Variants in LRRC4C observed in about 807,000 individuals in gnomAD.
LRRC4C encodes leucine rich repeat containing 4C.
LRRC4C carries 5 observed loss-of-function variants against 33.6 expected under a neutral mutation model. The observed-to-expected ratio is 0.15, with a 90% CI of 0.08 to 0.31. LRRC4C has a LOEUF of 0.31. Among genes scored for constraint, LRRC4C ranks in the 10% least tolerant of loss-of-function variants. The probability of loss-of-function intolerance (pLI) is 1.00; values close to 1 mark genes in which losing one functional copy is unlikely to be tolerated. For missense variants in LRRC4C, 560 were observed against 796.7 expected, an observed-to-expected ratio of 0.70 and a Z score of 3.58; for synonymous variants, 329 against 302.0, an observed-to-expected ratio of 1.09 and a Z score of -0.93.
intron 1 of LRRC4C, among the ~76,000 whole-genome samples, chr11:41,439,454 G>A (rs1955542824): frequency 6.6e-6 from 1 of 152,084 alleles, no homozygotes; most frequent in African/African-American, 2.4e-5. Context: ...TCTCCATACT[G>A]TTTTTCACAG....
intron 2 of LRRC4C, among the ~76,000 whole-genome samples, chr11:40,737,576 T>TTA (rs550428539): frequency 2.7e-5 from 4 of 150,162 alleles, no homozygotes; most frequent in African/African-American, 9.8e-5. Context: ...ACACCAATAA[T>TTA]AAAAAAAAAC....
At chr11:40,957,438 C>A (rs1488990390) in intron 1 of LRRC4C, among the ~76,000 whole-genome samples, 2 of 151,714 alleles carry the variant, frequency 1.3e-5, no homozygotes. Context: ...CTCTCTATTT[C>A]TCTCTTTCCA....
At chr11:41,102,111 G>A (rs527268285) in intron 1 of LRRC4C, among the ~76,000 whole-genome samples, 10 of 151,508 alleles carry the variant, frequency 6.6e-5, no homozygotes, top group Non-Finnish European at 1.2e-4. Context: ...TAACAAACCC[G>A]TACATGTACC....
intron 5 of LRRC4C, among the ~76,000 whole-genome samples, chr11:40,200,035 T>C (rs1862578703): frequency 6.6e-6 from 1 of 151,950 alleles, no homozygotes; most frequent in African/African-American, 2.4e-5. Context: ...CAGTGATCCC[T>C]GCTTGTCAAT....
intron 3 of LRRC4C, among the ~76,000 whole-genome samples, chr11:40,376,431 C>G (rs889469310): frequency 2.6e-5 from 4 of 152,046 alleles, no homozygotes; most frequent in Non-Finnish European, 5.9e-5. Context: ...TGTTGGAGTG[C>G]GAGAAAACTT....
chr11:40,578,376 A>G (rs556391389), intron 3 of LRRC4C, among the ~76,000 whole-genome samples: 2 of 151,870 alleles, frequency 1.3e-5, no homozygotes, highest in East Asian at 3.9e-4. Context: ...TAATATTTTA[A>G]AATTCTAGAT....
At chr11:41,229,125 G>T (rs1947670997) in intron 1 of LRRC4C, among the ~76,000 whole-genome samples, 2 of 151,968 alleles carry the variant, frequency 1.3e-5, no homozygotes, top group African/African-American at 4.8e-5. Flanking sequence ...TGGAAAATTT[G>T]TGTCTCCCTA....
chr11:41,059,650 A>G (rs1017856779), intron 1 of LRRC4C, among the ~76,000 whole-genome samples: 5 of 152,134 alleles, frequency 3.3e-5, no homozygotes, highest in Non-Finnish European at 7.3e-5. Context: ...CCTGTGCAAG[A>G]GACCTGTGTT....
At chr11:41,030,634 G>T (rs924085748) in intron 1 of LRRC4C, among the ~76,000 whole-genome samples, 10 of 151,752 alleles carry the variant, frequency 6.6e-5, no homozygotes, top group Non-Finnish European at 1.5e-4. Flanking sequence ...ATCATCAGCC[G>T]CTTGGTGAAA....
intron 4 of LRRC4C, among the ~76,000 whole-genome samples, chr11:40,254,634 C>T (rs762816152): frequency 1.3e-4 from 20 of 152,284 alleles, no homozygotes; most frequent in Admixed American, 2.0e-4. Context: ...ATATGATATA[C>T]GCATATGAAT....
intron 4 of LRRC4C, among the ~76,000 whole-genome samples, chr11:40,269,480 A>T (rs1449317831): frequency 1.3e-5 from 2 of 152,138 alleles, no homozygotes; most frequent in African/African-American, 4.8e-5. Flanking sequence ...TAAATCCTAA[A>T]GGGAGTCCTG....
chr11:40,335,813 G>GTGTGTAACGCAGGTAAT (rs1226692450), intron 3 of LRRC4C, among the ~76,000 whole-genome samples: 1 of 152,212 alleles, frequency 6.6e-6, no homozygotes, highest in Non-Finnish European at 1.5e-5. Flanking sequence ...ACGCAGGTAA[G>GTGTGTAACGCAGGTAAT]TAAGTAACGC....
intron 3 of LRRC4C, among the ~76,000 whole-genome samples, chr11:40,450,287 T>A (rs1452208632): frequency 6.6e-6 from 1 of 152,184 alleles, no homozygotes; most frequent in Non-Finnish European, 1.5e-5. Flanking sequence ...CTAGGCAACA[T>A]ATTTTGTGTT....
intron 1 of LRRC4C, among the ~76,000 whole-genome samples, chr11:41,088,500 C>T (rs1048918718): frequency 6.6e-6 from 1 of 151,974 alleles, no homozygotes; most frequent in Non-Finnish European, 1.5e-5. Flanking sequence ...TTATACAAAC[C>T]AATGTCCTTA....
At chr11:41,386,512 T>C (rs1385953475) in intron 1 of LRRC4C, among the ~76,000 whole-genome samples, 1 of 151,668 alleles carries the variant, frequency 6.6e-6, no homozygotes, top group African/African-American at 2.4e-5. Context: ...ACTGGTGTCC[T>C]TTTCCTGTAC....
intron 1 of LRRC4C, among the ~76,000 whole-genome samples, chr11:40,937,601 A>G (rs867086774): frequency 1.5e-4 from 17 of 114,756 alleles, no homozygotes; most frequent in African/African-American, 5.8e-4. Flanking sequence ...GAGTGTGTGT[A>G]TATGTGTGTG....
intron 3 of LRRC4C, among the ~76,000 whole-genome samples, chr11:40,604,056 C>A (rs1408307870): frequency 1.3e-5 from 2 of 152,038 alleles, no homozygotes; most frequent in Non-Finnish European, 1.5e-5. Context: ...AGCTTAATCA[C>A]ACATACAAAC....
intron 1 of LRRC4C, among the ~76,000 whole-genome samples, chr11:41,077,342 C>T (rs184862812): frequency 9.2e-5 from 14 of 152,350 alleles, no homozygotes; most frequent in African/African-American, 2.9e-4. Flanking sequence ...GGCTCTGCCC[C>T]AGCAGCAGAC....
intron 3 of LRRC4C, among the ~76,000 whole-genome samples, chr11:40,336,479 G>A (rs114299465): frequency 6.6e-6 from 1 of 152,092 alleles, no homozygotes; most frequent in Admixed American, 6.5e-5. Flanking sequence ...TGACTGTATG[G>A]AGCAGATCCC....
Sources: allele counts gnomAD v4.1 joint callset (sites outside exome capture counted in the v4.1 genomes callset), GRCh38; gene constraint gnomAD v4.1.1; transcripts MANE v1.5; gene names NCBI Gene and HGNC (gene_info 2026-07-23, HGNC 2026-07-21).